VAMP4: variants seen among roughly 807,000 people sequenced by gnomAD.
VAMP4 encodes vesicle-associated membrane protein 4.
VAMP4 carries 19 observed loss-of-function variants against 23.5 expected under a neutral mutation model. The ratio of observed to expected loss-of-function variants is 0.81; its 90% confidence interval spans 0.56 to 1.19. VAMP4 has a LOEUF of 1.19. Among genes scored for constraint, VAMP4 ranks in the 50% most tolerant of loss-of-function variants. The pLI, the probability that VAMP4 is intolerant of heterozygous loss-of-function variation, is 0.00. For synonymous variants in VAMP4, 31 were observed against 51.0 expected (o/e 0.61, Z 1.67); for missense variants, 145 against 168.6 (o/e 0.86, Z 0.78).
Position 171,703,415 on chromosome 1 carries a change from G to GTT in VAMP4, c.*1090_*1091insAA. ...TGCGTGTGTGTGTGTGTGTGTGTGT[G>GTT]TGTTTGTGTGTATATATATATATAT... On this transcript the variant is annotated 3_prime_UTR_variant, in exon 8 of 8. Coordinates refer to ENST00000236192, the MANE Select transcript of VAMP4 (RefSeq NM_003762.5). The GTT allele has an allele frequency of 9.9e-6, 1 of 101,134 alleles. No homozygotes were observed. The highest frequency in any genetic ancestry group is 3.2e-4 in the South Asian group (1 of 3,112). The allele number at this position is 101,134 out of a possible 1,614,324, so 6.3% of individuals were successfully genotyped here.
intron 6 of VAMP4, among the ~76,000 whole-genome samples, chr1:171,708,191 C>T (rs912382296): frequency 2.0e-5 from 3 of 151,322 alleles, no homozygotes; most frequent in Non-Finnish European, 4.4e-5. Context: ...TCCAGCTACT[C>T]GGGAGACTAA....
chr1:171,712,278 T>C (rs1359219150), intron 4 of VAMP4, among the ~76,000 whole-genome samples: 1 of 152,054 alleles, frequency 6.6e-6, no homozygotes, highest in Non-Finnish European at 1.5e-5. Flanking sequence ...GTCTCCGCCC[T>C]CTACCCCACA....
chr1:171,739,682 G>A (rs1453367239), intron 1 of VAMP4, among the ~76,000 whole-genome samples: 1 of 152,180 alleles, frequency 6.6e-6, no homozygotes, highest in Non-Finnish European at 1.5e-5. Context: ...TTGAATTAGA[G>A]GACACCCAGC....
intron 3 of VAMP4, 26 bp from the exon 4 acceptor site, chr1:171,719,247 A>G (rs1655113058): frequency 1.3e-6 from 2 of 1,587,862 alleles, no homozygotes; most frequent in African/African-American, 1.4e-5. Flanking sequence ...TACCAAGTAC[A>G]TATTAGTAGT....
chr1:171,704,588 T>A, intron 7 of VAMP4, 54 bp from the exon 8 acceptor site: 1 of 1,357,800 alleles, frequency 7.4e-7, no homozygotes, highest in Non-Finnish European at 1.0e-6. Context: ...ATATATGCTA[T>A]GTTTGAAGCA....
chr1:171,733,131 G>A, intron 2 of VAMP4, among the ~76,000 whole-genome samples: 1 of 151,818 alleles, frequency 6.6e-6, no homozygotes, highest in East Asian at 1.9e-4. Context: ...TAGCTAACAA[G>A]TAACAGACAA....
chr1:171,725,809 AC>A (rs1655345645), intron 3 of VAMP4, among the ~76,000 whole-genome samples: 1 of 149,988 alleles, frequency 6.7e-6, no homozygotes, highest in Non-Finnish European at 1.5e-5. Flanking sequence ...TCCTGCCTTA[AC>A]CCCCTGAGTT....
intron 2 of VAMP4, among the ~76,000 whole-genome samples, chr1:171,736,755 T>A (rs1343509919): frequency 6.6e-6 from 1 of 152,134 alleles, no homozygotes; most frequent in East Asian, 1.9e-4. Context: ...GGCAGGTGGA[T>A]TACTTGAGCT....
At chr1:171,720,069 T>G (rs1208147066) in intron 3 of VAMP4, among the ~76,000 whole-genome samples, 1 of 151,794 alleles carries the variant, frequency 6.6e-6, no homozygotes, top group African/African-American at 2.4e-5. Context: ...ACATAATGTA[T>G]AAGTGTGAAT....
chr1:171,729,650 A>C (rs61180943), intron 2 of VAMP4, among the ~76,000 whole-genome samples: 13,325 of 152,178 alleles, frequency 0.088, 1,001 homozygotes, highest in African/African-American at 0.2. Context: ...TCCTAATCAC[A>C]AAAACCTGTT....
Position 171,704,540 on chromosome 1 carries a change from A to G in VAMP4, c.398-6T>C. The G allele has an allele frequency of 6.3e-7, 1 of 1,577,532 alleles. No homozygotes were observed. On this transcript the variant is annotated splice_region_variant and splice_polypyrimidine_tract_variant and intron_variant, in intron 7 of 7. Coordinates refer to ENST00000236192, the MANE Select transcript of VAMP4 (RefSeq NM_003762.5). ...GTATTTCATGACTATAAGAACTGTAAGAGAAAACATGAAAAAAGCAATATA... is the reference window on the plus strand; with the variant it reads ...GTATTTCATGACTATAAGAACTGTAGGAGAAAACATGAAAAAAGCAATATA...
intron 2 of VAMP4, among the ~76,000 whole-genome samples, chr1:171,733,362 A>C (rs1655623809): frequency 6.6e-6 from 1 of 151,464 alleles, no homozygotes; most frequent in East Asian, 1.9e-4. Context: ...GCTACTCTGA[A>C]GGCTACTTGG....
chr1:171,738,737 CAG>C (rs750435355), intron 1 of VAMP4, among the ~76,000 whole-genome samples: 3 of 152,118 alleles, frequency 2.0e-5, no homozygotes, highest in Non-Finnish European at 4.4e-5. Context: ...AATGAAAGAG[CAG>C]AGAGTAGAGG....
At chr1:171,739,568 A>G (rs142963575) in intron 1 of VAMP4, among the ~76,000 whole-genome samples, 27 of 152,380 alleles carry the variant, frequency 1.8e-4, no homozygotes, top group Admixed American at 8.5e-4. Context: ...CACAGGTAAA[A>G]CAACCTGGAA....
chr1:171,740,260 G>C (rs1044119786), intron 1 of VAMP4, among the ~76,000 whole-genome samples: 6 of 152,184 alleles, frequency 3.9e-5, no homozygotes, highest in African/African-American at 1.4e-4. Context: ...TTCTGTTCTA[G>C]AAAGACTCAC....
rs1051036496 is a variant in VAMP4, at chr1:171,713,854, G to A, written c.165-3040C>T. ...AAGGAAAAAAAACATAACCCTTTAA[G>A]GATAAGATTCCATGGATATAGGCAG... On this transcript the variant is annotated intron_variant, in intron 4 of 7. Transcript: ENST00000236192. Among the ~76,000 whole-genome samples the A allele has an allele frequency of 5.9e-5, 9 of 152,102 alleles. No homozygotes were observed. The South Asian group carries it at 1.0e-3, about 17-fold the overall frequency.
intron 2 of VAMP4, 51 bp downstream of exon 2, chr1:171,738,298 G>T (rs376510242): frequency 2.5e-6 from 4 of 1,598,046 alleles, no homozygotes; most frequent in Admixed American, 3.4e-5. Flanking sequence ...CAAAGGGAAT[G>T]AAAACATATT....
chr1:171,703,658 A>G lies in VAMP4; in HGVS notation c.*848T>C, dbSNP rs1365451614. 6.6e-6 allele frequency: 1 copy of G among 151,940 alleles called. No homozygotes were observed. The highest frequency in any genetic ancestry group is 1.5e-5 in the Non-Finnish European group (1 of 67,744). 9.4% of individuals were successfully genotyped at this position (151,940 alleles called of 1,614,324 possible). On this transcript the variant is annotated 3_prime_UTR_variant, in exon 8 of 8. Transcript: ENST00000236192. ...TTGGAAGTTAGAGGCTATTAACTAA[A>G]ATAAAATTAAGGAGTAAGTAAGTTA...
intron 3 of VAMP4, among the ~76,000 whole-genome samples, chr1:171,722,372 A>T (rs1360633778): frequency 6.6e-6 from 1 of 152,192 alleles, no homozygotes; most frequent in African/African-American, 2.4e-5. Flanking sequence ...AAAACACCAA[A>T]AGCAATGTCA....
Sources: allele counts gnomAD v4.1 joint callset (sites outside exome capture counted in the v4.1 genomes callset), GRCh38; gene constraint gnomAD v4.1.1; transcripts MANE v1.5; gene names NCBI Gene and HGNC (gene_info 2026-07-23, HGNC 2026-07-21).